CAMTA1: variants seen among roughly 807,000 people sequenced by gnomAD.
CAMTA1 encodes the protein calmodulin-binding transcription activator 1.
Under a neutral mutation model 170.9 loss-of-function variants are expected in CAMTA1, and 27 were observed. The observed-to-expected ratio is 0.16, with a 90% CI of 0.12 to 0.22. The LOEUF is 0.22. Among genes scored for constraint, CAMTA1 ranks in the 10% least tolerant of loss-of-function variants. The probability of loss-of-function intolerance (pLI) is 1.00; values close to 1 mark genes in which losing one functional copy is unlikely to be tolerated. For missense variants in CAMTA1, 1,619 were observed against 2,217.2 expected, an observed-to-expected ratio of 0.73 and a Z score of 5.42; for synonymous variants, 833 against 891.5, an observed-to-expected ratio of 0.93 and a Z score of 1.17.
intron 4 of CAMTA1, among the ~76,000 whole-genome samples, chr1:7,228,752 A>G (rs1662162636): frequency 6.6e-6 from 1 of 152,156 alleles, no homozygotes; most frequent in South Asian, 2.1e-4. Context: ...GGCCCTGAGG[A>G]ACCAACCAGG....
intron 11 of CAMTA1, among the ~76,000 whole-genome samples, chr1:7,691,730 G>T (rs1443097873): frequency 6.6e-6 from 1 of 152,150 alleles, no homozygotes; most frequent in East Asian, 1.9e-4. Context: ...AGCTGAGAGA[G>T]CAAATAGACA....
At chr1:7,296,984 CAAG>C (rs1674047455) in intron 5 of CAMTA1, among the ~76,000 whole-genome samples, 1 of 152,018 alleles carries the variant, frequency 6.6e-6, no homozygotes, top group Admixed American at 6.6e-5. Flanking sequence ...GAGGGGCTTC[CAAG>C]AAGGAGGAAA....
At chr1:7,084,749 C>T (rs939270917) in intron 3 of CAMTA1, among the ~76,000 whole-genome samples, 10 of 152,162 alleles carry the variant, frequency 6.6e-5, no homozygotes, top group African/African-American at 1.9e-4. Flanking sequence ...CCATCCAGTA[C>T]GGCGGCCATG....
chr1:7,411,847 T>C (rs572774901), intron 5 of CAMTA1, among the ~76,000 whole-genome samples: 16 of 152,106 alleles, frequency 1.1e-4, no homozygotes, highest in African/African-American at 3.6e-4. Flanking sequence ...CATGTTGGTG[T>C]ACTGCAACCA....
intron 6 of CAMTA1, among the ~76,000 whole-genome samples, chr1:7,590,250 C>A (rs950669532): frequency 7.9e-5 from 12 of 152,196 alleles, no homozygotes; most frequent in African/African-American, 2.7e-4. Context: ...GGCCCTGCTG[C>A]TGCTATGAGT....
chr1:6,840,010 G>A (rs1199428708), intron 3 of CAMTA1, among the ~76,000 whole-genome samples: 1 of 152,142 alleles, frequency 6.6e-6, no homozygotes, highest in South Asian at 2.1e-4. Flanking sequence ...AGACCAGCGT[G>A]ACCAACATGA....
intron 3 of CAMTA1, among the ~76,000 whole-genome samples, chr1:6,888,946 T>C (rs1673931192): frequency 6.6e-6 from 1 of 152,226 alleles, no homozygotes; most frequent in South Asian, 2.1e-4. Flanking sequence ...TTTAAAGAAC[T>C]GAAACTTCTT....
chr1:7,633,130 A>G lies in CAMTA1; in HGVS notation c.511-7270A>G, dbSNP rs1437657163. The stretch of plus-strand genomic sequence containing the variant: ...CTGTGCTTTTGGAGGAAAGGCCCTC[A>G]GCTTGTCCCCCGTCCTCTCTTTGTC... On this transcript the variant is annotated intron_variant, in intron 6 of 22. Coordinates refer to ENST00000303635, the MANE Select transcript of CAMTA1 (RefSeq NM_015215.4). This position sits in a 1 kb window ranked among gnomAD's most constrained non-coding sequence, Gnocchi z 4.1. Among the ~76,000 whole-genome samples, 2 of 152,236 alleles carry G rather than the reference A, an allele frequency of 1.3e-5. No individual in the cohort carries two copies. Among genetic ancestry groups the G allele is most frequent in the Non-Finnish European group, 2.9e-5 (2 of 68,036 alleles).
At chr1:7,447,582 C>A (rs2796477) in intron 5 of CAMTA1, among the ~76,000 whole-genome samples, 1 of 151,904 alleles carries the variant, frequency 6.6e-6, no homozygotes, top group African/African-American at 2.4e-5. Flanking sequence ...CTGGCACTCG[C>A]TAGGCATATG....
chr1:7,112,212 C>T (rs1242007464), intron 4 of CAMTA1, among the ~76,000 whole-genome samples: 1 of 152,206 alleles, frequency 6.6e-6, no homozygotes. Context: ...CTTTGGTCAC[C>T]TCTCACATTG....
intron 3 of CAMTA1, among the ~76,000 whole-genome samples, chr1:6,889,898 A>T (rs887369060): frequency 1.3e-5 from 2 of 152,232 alleles, no homozygotes; most frequent in African/African-American, 4.8e-5. Flanking sequence ...GCATGTGTGT[A>T]CCTTTAAGTT....
rs567112795 is a variant in CAMTA1 at position 7,433,911 on chromosome 1, C to T, written c.439-33919C>T. Among the ~76,000 whole-genome samples, 3 of 152,250 alleles carry T rather than the reference C, an allele frequency of 2.0e-5. No individual in the cohort carries two copies. In the East Asian group the frequency reaches 5.8e-4, roughly 29 times the overall value. ...GTAGCCCCAGCCTCAGCCCCACAAGCCAGCAGCACAGGATCAGCCCTCCTC... is the reference window on the plus strand; with the variant it reads ...GTAGCCCCAGCCTCAGCCCCACAAGTCAGCAGCACAGGATCAGCCCTCCTC... On this transcript the variant is annotated intron_variant, in intron 5 of 22. Transcript: ENST00000303635.
rs151144303 is a variant in CAMTA1, at chr1:7,252,162, G to T, written c.438+2536G>T. Among the ~76,000 whole-genome samples, 755 of 152,274 alleles carry T rather than the reference G, an allele frequency of 5.0e-3. 14 individuals are homozygous for T. The highest frequency in any genetic ancestry group is 0.038 in the Admixed American group (588 of 15,302). ...TGGACCCAGAATTGCTGGGTTATAA[G>T]GTCTGAGCATGTTCAGTTTATTAGA... On this transcript the variant is annotated intron_variant, in intron 5 of 22. Transcript: ENST00000303635.
intron 6 of CAMTA1, among the ~76,000 whole-genome samples, chr1:7,556,913 A>G (rs958867596): frequency 1.3e-5 from 2 of 152,200 alleles, no homozygotes; most frequent in Non-Finnish European, 2.9e-5. Flanking sequence ...AGAAATAGCT[A>G]TAGAAGAGTT....
chr1:7,139,201 ATAT>A (rs553214145), intron 4 of CAMTA1, among the ~76,000 whole-genome samples: 2,092 of 102,578 alleles, frequency 0.02, 53 homozygotes, highest in African/African-American at 0.062. Context: ...TATATTTATA[ATAT>A]TTATAAAATT....
At chr1:7,587,181 G>A (rs1172969476) in intron 6 of CAMTA1, among the ~76,000 whole-genome samples, 1 of 152,054 alleles carries the variant, frequency 6.6e-6, no homozygotes, top group Non-Finnish European at 1.5e-5. Context: ...GGCAGGAGGT[G>A]GGGGGCCCAC....
intron 11 of CAMTA1, among the ~76,000 whole-genome samples, chr1:7,717,746 A>G (rs2096621787): frequency 6.6e-6 from 1 of 152,166 alleles, no homozygotes; most frequent in Non-Finnish European, 1.5e-5. Context: ...TAAAAAAATA[A>G]AAACGGATAT....
chr1:6,918,098 TGG>T lies in CAMTA1; in HGVS notation c.234+92889_234+92890del, dbSNP rs1365777862. On this transcript the variant is annotated intron_variant, in intron 3 of 22. Coordinates refer to ENST00000303635, the MANE Select transcript of CAMTA1 (RefSeq NM_015215.4). The surrounding 1 kb of genome is among the most constrained non-coding windows in gnomAD (Gnocchi z 4.0). The stretch of plus-strand genomic sequence containing the variant: ...TTGCTTGTCTCTAACTTTCCTTCTG[TGG>T]CTCCTAATGGTGAAGGCCTCCCATG... Among the ~76,000 whole-genome samples the T allele has an allele frequency of 6.6e-6, 1 of 152,118 alleles. No individual in the cohort carries two copies. The highest frequency in any genetic ancestry group is 6.5e-5 in the Admixed American group (1 of 15,272).
At chr1:7,594,443 G>A (rs1298705242) in intron 6 of CAMTA1, among the ~76,000 whole-genome samples, 7 of 152,364 alleles carry the variant, frequency 4.6e-5, no homozygotes, top group African/African-American at 1.7e-4. Context: ...AGGGCAGAGT[G>A]TGTGGGTTTT....
Sources: gnomAD v4.1 joint callset for allele counts (sites outside exome capture counted in the v4.1 genomes callset) on GRCh38, gnomAD v4.1.1 for gene constraint, Gnocchi (gnomAD v3.1) non-coding constraint, MANE v1.5 for transcripts, NCBI Gene and HGNC (gene_info 2026-07-23, HGNC 2026-07-21) for gene names.